RRN3: variants seen among roughly 807,000 people sequenced by gnomAD.
RRN3 encodes the protein RNA polymerase I transcription factor RRN3, also known as RNA polymerase I-specific transcription initiation factor RRN3.
In RRN3, 38 loss-of-function variants were observed where a neutral mutation model predicts 82.3. That is an observed-to-expected ratio of 0.46 (90% CI 0.36 to 0.61). RRN3 has a LOEUF of 0.61. Among genes scored for constraint, RRN3 ranks in the 20% least tolerant of loss-of-function variants. The probability of loss-of-function intolerance (pLI) is 0.00; values close to 1 mark genes in which losing one functional copy is unlikely to be tolerated. For synonymous variants in RRN3, 284 were observed against 284.3 expected (o/e 1.00, Z 0.01); for missense variants, 726 against 793.1 (o/e 0.92, Z 1.02).
intron 3 of RRN3, among the ~76,000 whole-genome samples, chr16:15,087,205 A>G (rs2151816814): frequency 6.6e-6 from 1 of 152,314 alleles, no homozygotes; most frequent in East Asian, 1.9e-4. Context: ...TAAAAGCAAC[A>G]CAAGGTCATA....
chr16:15,092,201 G>C (rs1188498659), intron 2 of RRN3, among the ~76,000 whole-genome samples: 16 of 152,188 alleles, frequency 1.1e-4, no homozygotes, highest in Admixed American at 6.5e-4. Flanking sequence ...AAATAAAATG[G>C]TGTAATTGTT....
intron 17 of RRN3, 144 bp from the exon 18 acceptor site, chr16:15,062,049 C>G (rs749818937): frequency 1.3e-6 from 1 of 779,996 alleles, no homozygotes. Flanking sequence ...TGTAGTGGCA[C>G]ACGCCTGTAG....
intron 10 of RRN3, among the ~76,000 whole-genome samples, chr16:15,075,168 T>C (rs576024014): frequency 6.7e-6 from 1 of 149,116 alleles, no homozygotes; most frequent in Non-Finnish European, 1.5e-5. Flanking sequence ...GAAAATAGCT[T>C]GAACTGGGAG....
Position 15,061,761 on chromosome 16 carries a change from G to GC in RRN3, c.1938dup (p.Gln647AlafsTer13), listed in dbSNP as rs763884239. ...TTCTGCCGTCAGAGGGGACTGGGTT[G>GC]CATGTACAACACGGGTGGGGAGCCC... is the stretch of plus-strand genomic sequence containing the variant. On this transcript the variant is annotated frameshift_variant, in exon 18 of 18. Coordinates refer to ENST00000198767, the MANE Select transcript of RRN3 (RefSeq NM_018427.5). LOFTEE classifies it high-confidence loss of function. 9.3e-6 allele frequency: 15 copies of GC among 1,613,324 alleles called. No homozygotes were observed. In the Admixed American group the frequency reaches 2.5e-4, roughly 27 times the overall value.
intron 9 of RRN3, among the ~76,000 whole-genome samples, chr16:15,076,935 A>G (rs765885456): frequency 1.3e-5 from 2 of 151,478 alleles, no homozygotes; most frequent in Non-Finnish European, 2.9e-5. Context: ...TTCAACATTT[A>G]TTCTAGCTCT....
intron 3 of RRN3, among the ~76,000 whole-genome samples, chr16:15,089,100 C>T (rs1246092625): frequency 7.3e-5 from 11 of 151,636 alleles, no homozygotes; most frequent in Non-Finnish European, 1.3e-4. Flanking sequence ...GTCAGGAGTT[C>T]GAGAGCAGCC....
At chr16:15,071,067 A>G (rs1318192576) in intron 13 of RRN3, 54 bp downstream of exon 13, 3 of 1,503,982 alleles carry the variant, frequency 2.0e-6, no homozygotes, top group Admixed American at 1.9e-5. Context: ...AGACAATGCT[A>G]TACTCTTTTT....
intron 11 of RRN3, 135 bp downstream of exon 11, chr16:15,074,588 A>G: frequency 1.8e-6 from 1 of 569,120 alleles, no homozygotes; most frequent in Non-Finnish European, 2.8e-6. Flanking sequence ...TGACCTCTTT[A>G]AATCATCTTA....
At chr16:15,064,346 T>C (rs2044861882) in intron 16 of RRN3, among the ~76,000 whole-genome samples, 1 of 152,170 alleles carries the variant, frequency 6.6e-6, no homozygotes, top group Non-Finnish European at 1.5e-5. Context: ...AGCTAATTTT[T>C]GTATTTTTAG....
chr16:15,074,618 T>A (rs2045374017), intron 11 of RRN3, 105 bp downstream of exon 11: 1 of 810,256 alleles, frequency 1.2e-6, no homozygotes, highest in Non-Finnish European at 1.8e-6. Flanking sequence ...TCAATAGATA[T>A]TTTTACAGGA....
intron 7 of RRN3, 115 bp from the exon 8 acceptor site, chr16:15,083,697 C>A: frequency 3.5e-6 from 5 of 1,437,938 alleles, no homozygotes; most frequent in Non-Finnish European, 4.7e-6. Context: ...CAAACAGGAA[C>A]CCCTACCTCA....
intron 17 of RRN3, among the ~76,000 whole-genome samples, chr16:15,062,756 G>T (rs1223997957): frequency 6.6e-6 from 1 of 152,222 alleles, no homozygotes; most frequent in African/African-American, 2.4e-5. Flanking sequence ...GTCAGTATGT[G>T]AAGTGTCTGG....
chr16:15,081,764 A>T (rs2045712982), intron 8 of RRN3, among the ~76,000 whole-genome samples: 3 of 152,188 alleles, frequency 2.0e-5, no homozygotes, highest in African/African-American at 7.2e-5. Context: ...ACATCATGAA[A>T]ATGTACTCGT....
intron 15 of RRN3, 44 bp downstream of exon 15, chr16:15,068,125 A>G (rs1347831554): frequency 1.4e-5 from 20 of 1,471,920 alleles, no homozygotes; most frequent in Non-Finnish European, 1.6e-5. Context: ...ACATAAATAA[A>G]AATATTTTAA....
At chr16:15,080,951 G>A (rs1247079785) in intron 8 of RRN3, among the ~76,000 whole-genome samples, 1 of 151,848 alleles carries the variant, frequency 6.6e-6, no homozygotes, top group Non-Finnish European at 1.5e-5. Flanking sequence ...CATGTTTTTA[G>A]GGTTCAATCA....
chr16:15,093,098 G>A (rs1466932184), intron 1 of RRN3, among the ~76,000 whole-genome samples: 1 of 151,924 alleles, frequency 6.6e-6, no homozygotes, highest in Admixed American at 6.6e-5. Context: ...TCCATCTCCC[G>A]GGTTCAAGCA....
chr16:15,064,234 G>A (rs780785290), intron 16 of RRN3, among the ~76,000 whole-genome samples: 17 of 151,488 alleles, frequency 1.1e-4, no homozygotes, highest in Non-Finnish European at 2.5e-4. Context: ...GGAGTGCATT[G>A]GTGCAATCTC....
chr16:15,071,993 C>T (rs895923608), intron 12 of RRN3, among the ~76,000 whole-genome samples: 3 of 152,118 alleles, frequency 2.0e-5, no homozygotes, highest in Non-Finnish European at 4.4e-5. Flanking sequence ...AACTCAACCA[C>T]GAACAGAAAT....
chr16:15,065,430 A>T, intron 15 of RRN3, 59 bp from the exon 16 acceptor site: 1 of 1,496,636 alleles, frequency 6.7e-7, no homozygotes, highest in Non-Finnish European at 9.2e-7. Flanking sequence ...GACTCGGTGC[A>T]GATGTGAGCT....
Sources: gnomAD v4.1 joint callset for allele counts (sites outside exome capture counted in the v4.1 genomes callset) on GRCh38, gnomAD v4.1.1 for gene constraint, MANE v1.5 for transcripts, NCBI Gene and HGNC (gene_info 2026-07-23, HGNC 2026-07-21) for gene names.